DNAH6: variants seen among roughly 807,000 people sequenced by gnomAD.
DNAH6 encodes dynein axonemal heavy chain 6.
A neutral mutation model predicts 491.4 loss-of-function variants in DNAH6; 340 were observed. The ratio of observed to expected loss-of-function variants is 0.69; its 90% CI spans 0.63 to 0.76. The LOEUF (loss-of-function observed/expected upper bound fraction) is 0.76, where lower values mean the gene tolerates loss of function less well. DNAH6 is among the 30% of genes least tolerant of loss of function. The probability of loss-of-function intolerance (pLI) is 0.00; values close to 1 mark genes in which losing one functional copy is unlikely to be tolerated. For synonymous variants in DNAH6, 1,603 were observed against 1,686.1 expected (o/e 0.95, Z 1.21); for missense variants, 4,443 against 4,972.2 (o/e 0.89, Z 3.20).
chr2:84,697,848 T>C, intron 47 of DNAH6, 121 bp downstream of exon 47: 1 of 1,015,928 alleles, frequency 9.8e-7, no homozygotes, highest in Non-Finnish European at 1.5e-6. Context: ...TATAATTGGT[T>C]TCCTTTGTAT....
At chr2:84,476,807 T>C in the DNAH6 span, among the ~76,000 whole-genome samples, 1 of 152,266 alleles carries the variant, frequency 6.6e-6, no homozygotes, top group Non-Finnish European at 1.5e-5. Flanking sequence ...TTCTGAATAC[T>C]AACTTTCACT....
rs1680822518 is a variant in DNAH6 at position 84,819,481 on chromosome 2, A to C, written c.*73A>C. 3 of 962,500 alleles carry C rather than the reference A, an allele frequency of 3.1e-6. No individual in the cohort carries two copies. The highest frequency in any genetic ancestry group is 4.7e-6 in the Non-Finnish European group (3 of 642,632). 59.6% of individuals were successfully genotyped at this position (962,500 alleles called of 1,614,324 possible). A position where few individuals can be genotyped will look rare whatever the true frequency, so the allele number is the denominator to read the frequency against. On this transcript the variant is annotated 3_prime_UTR_variant, in exon 77 of 77. Transcript: ENST00000389394. ...CTAATGGGAGCAAAAGGTTTGAATA[A>C]TTTATATGTGAGCAAAACGGTGTTA...
intron 14 of DNAH6, among the ~76,000 whole-genome samples, chr2:84,580,055 C>CA (rs1371170964): frequency 1.3e-5 from 2 of 152,136 alleles, no homozygotes; most frequent in Non-Finnish European, 2.9e-5. Context: ...TCTTTGACTG[C>CA]AAAACCAATG....
At chr2:84,707,474 T>C (rs1269493175) in intron 53 of DNAH6, 46 bp from the exon 54 acceptor site, 5 of 1,459,966 alleles carry the variant, frequency 3.4e-6, no homozygotes, top group Non-Finnish European at 4.6e-6. Flanking sequence ...TAATACTTTA[T>C]GAAAATATTT....
At chr2:84,473,341 C>T in the DNAH6 span, among the ~76,000 whole-genome samples, 1 of 152,172 alleles carries the variant, frequency 6.6e-6, no homozygotes, top group Non-Finnish European at 1.5e-5. Flanking sequence ...CCTACTAGCA[C>T]AGCAATTTGG....
intron 4 of DNAH6, among the ~76,000 whole-genome samples, chr2:84,538,239 T>G (rs1462938205): frequency 1.3e-5 from 2 of 152,162 alleles, no homozygotes; most frequent in African/African-American, 4.8e-5. Flanking sequence ...AAGTGCTTTC[T>G]GTACATTAAT....
intron 62 of DNAH6, among the ~76,000 whole-genome samples, chr2:84,734,146 C>CTTTTTT (rs11314819): frequency 7.7e-6 from 1 of 129,494 alleles, no homozygotes; most frequent in African/African-American, 2.9e-5. Flanking sequence ...TAAAACTACA[C>CTTTTTT]TTTTTTTTTT....
chr2:84,647,144 G>A (rs188322082), intron 33 of DNAH6, among the ~76,000 whole-genome samples: 16 of 152,298 alleles, frequency 1.1e-4, no homozygotes, highest in African/African-American at 3.9e-4. Context: ...ACCGTACCCG[G>A]CCAAAAGTAG....
At chr2:84,703,704 TAGCAATTTAGCAATGC>T in intron 50 of DNAH6, 142 bp downstream of exon 50, 10 of 730,862 alleles carry the variant, frequency 1.4e-5, no homozygotes, top group Non-Finnish European at 1.9e-5. Flanking sequence ...TTTTTTTTTT[TAGCAATTTAGCAATGC>T]TTTTAAGTTG....
intron 49 of DNAH6, among the ~76,000 whole-genome samples, chr2:84,702,058 T>C (rs1413605666): frequency 6.6e-6 from 1 of 152,232 alleles, no homozygotes; most frequent in African/African-American, 2.4e-5. Flanking sequence ...GTCATCTCTA[T>C]GGTATTTAAT....
chr2:84,774,627 T>C (rs1675957233), intron 64 of DNAH6, among the ~76,000 whole-genome samples: 1 of 152,060 alleles, frequency 6.6e-6, no homozygotes, highest in Non-Finnish European at 1.5e-5. Flanking sequence ...TAAATTTGTA[T>C]ATTGCTTTGG....
chr2:84,506,982 G>T, the DNAH6 span, among the ~76,000 whole-genome samples: 3 of 152,208 alleles, frequency 2.0e-5, no homozygotes, highest in Non-Finnish European at 2.9e-5. Context: ...TTGTAGTGTA[G>T]TTTGAAGTCA....
chr2:84,702,867 A>T (rs1159450066), intron 49 of DNAH6, among the ~76,000 whole-genome samples: 3 of 152,042 alleles, frequency 2.0e-5, no homozygotes, highest in Non-Finnish European at 2.9e-5. Flanking sequence ...CCTTCGAAAA[A>T]CAGTTCTTCC....
intron 18 of DNAH6, among the ~76,000 whole-genome samples, chr2:84,600,804 C>T (rs1031798589): frequency 2.0e-5 from 3 of 151,870 alleles, no homozygotes; most frequent in Admixed American, 6.6e-5. Flanking sequence ...CCTTTCCATA[C>T]TGTATTCTTT....
At position 84,573,587 on chromosome 2, in the gene DNAH6, G is replaced by A; in HGVS notation, c.1924G>A (p.Asp642Asn). Residue 642 changes from aspartate to asparagine, a missense_variant and splice_region_variant, in exon 12 of 77, where the codon GAT becomes AAT. This residue lies in a region of DNAH6 where 2,977 missense variants were observed against 3,296.6 expected (regional missense o/e 0.90). Transcript: ENST00000389394. ...ACAAGCTCTTAAACTTCAGGAACCT[G>A]GTAACTTGTCCATTTGTACTTACTA... Reference protein sequence around the residue: ...DLQALKLQEPDINFFSEQLEK... With the variant: ...DLQALKLQEPNINFFSEQLEK... 6.4e-7 allele frequency: 1 copy of A among 1,562,820 alleles called. No individual in the cohort carries two copies. Among genetic ancestry groups the A allele is most frequent in the Non-Finnish European group, 8.6e-7 (1 of 1,165,264 alleles).
chr2:84,775,992 T>G (rs1187838238), intron 64 of DNAH6, among the ~76,000 whole-genome samples: 1 of 152,212 alleles, frequency 6.6e-6, no homozygotes, highest in African/African-American at 2.4e-5. Flanking sequence ...ATTTTTGCTG[T>G]TCAAGGTTTA....
At position 84,704,123 on chromosome 2, in the gene DNAH6, C is replaced by T; in HGVS notation, c.8286C>T (p.Thr2762=). Residue 2762 remains threonine (T), a synonymous_variant, in exon 51 of 77, where the codon ACC becomes ACT. Coordinates refer to ENST00000389394, the MANE Select transcript of DNAH6 (RefSeq NM_001370.2). The part of the protein sequence containing the change: ...EATAKVKAEE[T]QAIADDAQRD... ...CAGCAAAAGTCAAAGCTGAAGAAACCCAAGCAATAGCTGATGATGCTCAAA... is the reference window on the plus strand; with the variant it reads ...CAGCAAAAGTCAAAGCTGAAGAAACTCAAGCAATAGCTGATGATGCTCAAA... 1 of 1,551,654 alleles carries T rather than the reference C, an allele frequency of 6.4e-7. No individual in the cohort carries two copies. The highest frequency in any genetic ancestry group is 2.4e-5 in the East Asian group (1 of 40,930).
intron 60 of DNAH6, among the ~76,000 whole-genome samples, chr2:84,724,970 T>A (rs143560460): frequency 2.0e-5 from 3 of 152,302 alleles, no homozygotes; most frequent in East Asian, 3.9e-4. Flanking sequence ...GGTTCAGCAG[T>A]CTTTATCCAA....
At chr2:84,721,460 C>T (rs1213742284) in intron 59 of DNAH6, among the ~76,000 whole-genome samples, 5 of 152,070 alleles carry the variant, frequency 3.3e-5, no homozygotes, top group African/African-American at 1.2e-4. Context: ...ATAGTCTAGA[C>T]TTATACTCTT....
Sources: allele counts gnomAD v4.1 joint callset (sites outside exome capture counted in the v4.1 genomes callset), GRCh38; gene constraint gnomAD v4.1.1; regional missense constraint gnomAD v4.1.1; transcripts MANE v1.5; gene names NCBI Gene and HGNC (gene_info 2026-07-23, HGNC 2026-07-21).